The following TRDN variants were observed in gnomAD, a reference collection of about 807,000 sequenced individuals.
TRDN encodes the protein triadin, also known as triadin in skeletal muscle.
Under a neutral mutation model 149.7 loss-of-function variants are expected in TRDN, and 161 were observed. The observed-to-expected ratio is 1.08, with a 90% CI of 0.95 to 1.23. The LOEUF is 1.23. Ranked by LOEUF, TRDN falls within the 50% of genes most tolerant of loss-of-function variation. TRDN has a pLI of 0.00. For synonymous variants in TRDN, 294 were observed against 250.5 expected, an observed-to-expected ratio of 1.17 and a Z score of -1.64; for missense variants, 896 against 823.5, an observed-to-expected ratio of 1.09 and a Z score of -1.08.
intron 1 of TRDN, among the ~76,000 whole-genome samples, chr6:123,630,701 A>T (rs1363829266): frequency 6.6e-6 from 1 of 151,968 alleles, no homozygotes; most frequent in Non-Finnish European, 1.5e-5. Context: ...AAATAATAAT[A>T]AAAACTACAA....
chr6:123,309,742 C>G (rs1026348267), intron 24 of TRDN, among the ~76,000 whole-genome samples: 8 of 151,810 alleles, frequency 5.3e-5, no homozygotes, highest in African/African-American at 1.4e-4. Context: ...CACACATGAA[C>G]TGTGTTGTGT....
intron 12 of TRDN, among the ~76,000 whole-genome samples, chr6:123,423,617 TAAAC>T (rs896077937): frequency 4.0e-4 from 61 of 152,252 alleles, no homozygotes; most frequent in African/African-American, 1.3e-3. Flanking sequence ...AATACAAACA[TAAAC>T]TAACTTAGAC....
chr6:123,583,116 G>A (rs865799282), intron 1 of TRDN, among the ~76,000 whole-genome samples: 1 of 144,204 alleles, frequency 6.9e-6, no homozygotes, highest in Non-Finnish European at 1.6e-5. Context: ...GCATAGTCCT[G>A]CCAGCAAAGA....
chr6:123,220,980 G>A (rs1158515009), intron 40 of TRDN, among the ~76,000 whole-genome samples: 3 of 151,774 alleles, frequency 2.0e-5, no homozygotes, highest in Non-Finnish European at 4.4e-5. Flanking sequence ...AACTGCACAT[G>A]AATATTGATT....
rs1583158305 is a variant in TRDN at position 123,503,921 on chromosome 6, G to A, written c.611-20C>T. The A allele has an allele frequency of 2.6e-6, 4 of 1,523,440 alleles. No homozygotes were observed. Among genetic ancestry groups the A allele is most frequent in the Non-Finnish European group, 3.5e-6 (4 of 1,139,864 alleles). 94.4% of individuals were successfully genotyped at this position (1,523,440 alleles called of 1,614,324 possible). A position where few individuals can be genotyped will look rare whatever the true frequency, so the allele number is the denominator to read the frequency against. The stretch of plus-strand genomic sequence containing the variant: ...TCTGTTCTGTATAAAGTTAAAAGAT[G>A]TTGAAATACTTTTGTTTATTTACAA... On this transcript the variant is annotated intron_variant, in intron 7 of 40. Transcript: ENST00000334268.
At chr6:123,301,997 T>C (rs1277805946) in intron 24 of TRDN, among the ~76,000 whole-genome samples, 1 of 149,884 alleles carries the variant, frequency 6.7e-6, no homozygotes. Flanking sequence ...CACCTATACA[T>C]CCTCAAAGGC....
intron 12 of TRDN, among the ~76,000 whole-genome samples, chr6:123,395,535 G>A (rs1772686165): frequency 6.6e-6 from 1 of 152,008 alleles, no homozygotes; most frequent in Non-Finnish European, 1.5e-5. Flanking sequence ...CATGTTTTAG[G>A]GTTCCTTATC....
At chr6:123,271,959 G>GA in intron 29 of TRDN, among the ~76,000 whole-genome samples, 1 of 151,696 alleles carries the variant, frequency 6.6e-6, no homozygotes, top group Non-Finnish European at 1.5e-5. Context: ...TGGGACATAA[G>GA]AAAATAACAA....
chr6:123,548,640 GA>G, intron 2 of TRDN, 28 bp from the exon 3 acceptor site: 11 of 1,029,652 alleles, frequency 1.1e-5, no homozygotes, highest in Non-Finnish European at 1.4e-5. Flanking sequence ...AAAAAAAAAA[GA>G]AAAAGTTTGT....
chr6:123,514,093 T>C (rs1779308959), intron 6 of TRDN, among the ~76,000 whole-genome samples: 2 of 152,232 alleles, frequency 1.3e-5, no homozygotes, highest in Admixed American at 1.3e-4. Context: ...GGATGGGTGC[T>C]GTGGCTCACA....
At chr6:123,223,094 C>A (rs892191311) in intron 39 of TRDN, among the ~76,000 whole-genome samples, 1 of 151,714 alleles carries the variant, frequency 6.6e-6, no homozygotes, top group Non-Finnish European at 1.5e-5. Context: ...GTGATGATTC[C>A]TCAAAGAGCT....
At chr6:123,634,266 T>A (rs982843031) in intron 1 of TRDN, among the ~76,000 whole-genome samples, 1 of 151,340 alleles carries the variant, frequency 6.6e-6, no homozygotes. Context: ...GGTCGTGTCT[T>A]TACAAAAATA....
At chr6:123,295,625 C>A (rs1778164204) in intron 24 of TRDN, among the ~76,000 whole-genome samples, 2 of 152,100 alleles carry the variant, frequency 1.3e-5, no homozygotes, top group Admixed American at 6.6e-5. Flanking sequence ...TTCTACAATG[C>A]ATCCATAAAT....
intron 1 of TRDN, among the ~76,000 whole-genome samples, chr6:123,582,203 G>A (rs1460278363): frequency 6.6e-6 from 1 of 152,124 alleles, no homozygotes; most frequent in African/African-American, 2.4e-5. Flanking sequence ...GAACTGAGGG[G>A]CAGATCATAG....
intron 24 of TRDN, among the ~76,000 whole-genome samples, chr6:123,296,014 A>T (rs1778180389): frequency 6.6e-6 from 1 of 152,082 alleles, no homozygotes; most frequent in Non-Finnish European, 1.5e-5. Flanking sequence ...AACTTTTAAA[A>T]TTTTATTAAT....
chr6:123,587,870 T>A lies in TRDN; in HGVS notation c.23-16738A>T, dbSNP rs575831261. Among the ~76,000 whole-genome samples the A allele has an allele frequency of 1.4e-4, 21 of 152,208 alleles. No individual in the cohort carries two copies. In the South Asian group the frequency reaches 3.9e-3, roughly 29 times the overall value. Reference sequence around the variant, plus strand: ...GAAGGAATTTCACAAGACAATGTCATCAGTTAAGGCAGGAACAGGCCATTT... The same window carrying A: ...GAAGGAATTTCACAAGACAATGTCAACAGTTAAGGCAGGAACAGGCCATTT... On this transcript the variant is annotated intron_variant, in intron 1 of 40. Transcript: ENST00000334268.
intron 2 of TRDN, among the ~76,000 whole-genome samples, chr6:123,551,633 T>A (rs931819262): frequency 9.2e-5 from 14 of 152,176 alleles, no homozygotes; most frequent in Admixed American, 3.3e-4. Context: ...TTTACAGGTA[T>A]TAATTCACAT....
At chr6:123,481,377 G>A (rs1474684083) in intron 9 of TRDN, among the ~76,000 whole-genome samples, 1 of 146,444 alleles carries the variant, frequency 6.8e-6, no homozygotes, top group African/African-American at 2.5e-5. Context: ...TTATATATTT[G>A]TCTTAAATTA....
rs1224176620 is a variant in TRDN at position 123,350,838 on chromosome 6, CT to C, written c.1369+1700del. 3.0e-6 allele frequency: 3 copies of C among 983,784 alleles called. No homozygotes were observed. The African/African-American group carries it at 5.3e-5, about 17-fold the overall frequency. The allele number at this position is 983,784 out of a possible 1,614,324, so 60.9% of individuals were successfully genotyped here. A position where few individuals can be genotyped will look rare whatever the true frequency, so the allele number is the denominator to read the frequency against. ...TTTTCACACAATCCAAGAGCCTAAG[CT>C]TTAATAAGATAAAAGAAGATTTTAG... On this transcript the variant is annotated intron_variant, in intron 21 of 40. Coordinates refer to ENST00000334268, the MANE Select transcript of TRDN (RefSeq NM_006073.4).
Sources: allele counts gnomAD v4.1 joint callset (sites outside exome capture counted in the v4.1 genomes callset), GRCh38; gene constraint gnomAD v4.1.1; transcripts MANE v1.5; gene names NCBI Gene and HGNC (gene_info 2026-07-23, HGNC 2026-07-21).